GRAMD1B: variants seen among roughly 807,000 people sequenced by gnomAD.
GRAMD1B encodes GRAM domain containing 1B.
A neutral mutation model predicts 99.7 loss-of-function variants in GRAMD1B; 37 were observed. The observed-to-expected ratio is 0.37, with a 90% confidence interval of 0.29 to 0.49. The LOEUF is 0.49. GRAMD1B is among the 20% of genes least tolerant of loss of function. The pLI, the probability that GRAMD1B is intolerant of heterozygous loss-of-function variation, is 0.98. For missense variants in GRAMD1B, 888 were observed against 1,009.2 expected (o/e 0.88, Z 1.63); for synonymous variants, 427 against 387.6 (o/e 1.10, Z -1.19).
At chr11:123,450,510 C>G (rs1591563779) in intron 1 of GRAMD1B, among the ~76,000 whole-genome samples, 1 of 152,128 alleles carries the variant, frequency 6.6e-6, no homozygotes, top group East Asian at 1.9e-4. Context: ...AGACTGTCAG[C>G]AAATTATCAG....
intron 2 of GRAMD1B, among the ~76,000 whole-genome samples, chr11:123,576,239 G>T (rs1013297749): frequency 2.6e-5 from 4 of 152,312 alleles, no homozygotes; most frequent in East Asian, 3.9e-4. Context: ...CCCACTCCCC[G>T]AGGGAAGGCT....
At chr11:123,519,268 T>C (rs562512053) in intron 2 of GRAMD1B, among the ~76,000 whole-genome samples, 5 of 152,188 alleles carry the variant, frequency 3.3e-5, no homozygotes, top group East Asian at 1.9e-4. Context: ...CAGTGACTAA[T>C]AGTGGCAGAG....
chr11:123,508,101 A>G (rs1940617308), intron 2 of GRAMD1B, among the ~76,000 whole-genome samples: 1 of 152,170 alleles, frequency 6.6e-6, no homozygotes, highest in African/African-American at 2.4e-5. Flanking sequence ...CGATCTTAGT[A>G]TATTTTCTGC....
chr11:123,616,316 C>T (rs544452531), intron 17 of GRAMD1B, among the ~76,000 whole-genome samples: 10 of 152,170 alleles, frequency 6.6e-5, no homozygotes, highest in South Asian at 4.2e-4. Flanking sequence ...AGTGAGACTC[C>T]ATCTCAATAA....
intron 2 of GRAMD1B, among the ~76,000 whole-genome samples, chr11:123,570,281 T>C (rs1947914357): frequency 6.6e-6 from 1 of 152,212 alleles, no homozygotes; most frequent in African/African-American, 2.4e-5. Context: ...ATTCTGCACG[T>C]TAAGGAAGCA....
chr11:123,462,514 C>T (rs542040993), intron 1 of GRAMD1B, among the ~76,000 whole-genome samples: 14 of 152,220 alleles, frequency 9.2e-5, no homozygotes, highest in African/African-American at 3.1e-4. Flanking sequence ...AGTCCCAGCC[C>T]AAGCTCAGAG....
chr11:123,495,140 G>C (rs866248672), intron 2 of GRAMD1B, among the ~76,000 whole-genome samples: 13 of 102,676 alleles, frequency 1.3e-4, no homozygotes, highest in Middle Eastern at 6.7e-3. Context: ...CACACACACA[G>C]ACACACATAC....
chr11:123,605,391 C>A lies in GRAMD1B; in HGVS notation c.1236C>A (p.Thr412=), dbSNP rs146712187. The stretch of plus-strand genomic sequence containing the variant: ...GCTCATCCAAGAGCAGCATAGAGAC[C>A]AAGCCAGATGCCAGTCCACAGCTGC... The part of the protein sequence containing the change: ...NDSSSKSSIE[T]KPDASPQLPK... Residue 412 remains threonine, a synonymous_variant, in exon 10 of 20, where the codon ACC becomes ACA. Transcript: ENST00000635736. The A allele has an allele frequency of 6.2e-7, 1 of 1,613,126 alleles. No homozygotes were observed. The highest frequency in any genetic ancestry group is 1.1e-5 in the South Asian group (1 of 91,008).
rs1485331114 is a variant in GRAMD1B, at chr11:123,480,879, A to C, written c.438A>C (p.Arg146=). 1 of 396,722 alleles carries C rather than the reference A, an allele frequency of 2.5e-6. No individual in the cohort carries two copies. The highest frequency in any genetic ancestry group is 4.5e-5 in the Admixed American group (1 of 22,470). 24.6% of individuals were successfully genotyped at this position (396,722 alleles called of 1,614,324 possible). The change falls in exon 2 of 20, where the codon CGA becomes CGC. Residue 146 remains arginine, a synonymous_variant. Coordinates refer to ENST00000635736, the MANE Select transcript of GRAMD1B (RefSeq NM_001387025.1). The part of the protein sequence containing the change: ...DDDSSRFLSP[R]AREESTASNS... ...ATTCTAGCAGGTTCCTGAGTCCTCG[A>C]GCGCGGGAAGAAAGGTAAGGTCCAA...
chr11:123,407,086 A>T (rs1947880171), intron 1 of GRAMD1B, among the ~76,000 whole-genome samples: 1 of 152,212 alleles, frequency 6.6e-6, no homozygotes, highest in Non-Finnish European at 1.5e-5. Flanking sequence ...TTGTTTTTTC[A>T]ATAATTGCTT....
chr11:123,417,664 C>A (rs1015170655), intron 1 of GRAMD1B, among the ~76,000 whole-genome samples: 1 of 152,126 alleles, frequency 6.6e-6, no homozygotes, highest in Non-Finnish European at 1.5e-5. Flanking sequence ...AGGCTGGGCG[C>A]AATGGCCCAT....
intron 3 of GRAMD1B, among the ~76,000 whole-genome samples, chr11:123,582,764 C>T (rs12272565): frequency 0.011 from 1,707 of 152,330 alleles, 27 homozygotes; most frequent in African/African-American, 0.04. Context: ...GGCACACACC[C>T]ACCCTTGTGC....
chr11:123,391,413 A>G (rs1947273924), intron 1 of GRAMD1B, among the ~76,000 whole-genome samples: 1 of 152,098 alleles, frequency 6.6e-6, no homozygotes, highest in South Asian at 2.1e-4. Flanking sequence ...CTCTGCCGAG[A>G]TCACTAAAGT....
intron 9 of GRAMD1B, among the ~76,000 whole-genome samples, chr11:123,604,516 G>C (rs551013735): frequency 3.3e-5 from 5 of 152,292 alleles, no homozygotes; most frequent in African/African-American, 9.6e-5. Flanking sequence ...AGGGTGGAAG[G>C]GTAGCTAGCT....
At chr11:123,525,088 A>C (rs910275061) in intron 2 of GRAMD1B, among the ~76,000 whole-genome samples, 3 of 152,112 alleles carry the variant, frequency 2.0e-5, no homozygotes, top group Non-Finnish European at 2.9e-5. Flanking sequence ...AGGATTGGTG[A>C]TCATGTTGCC....
At position 123,492,322 on chromosome 11, in the gene GRAMD1B, C is replaced by A. The variant is rs114916991; in HGVS notation, c.452+11429C>A. On this transcript the variant is annotated intron_variant, in intron 2 of 19. Coordinates refer to ENST00000635736, the MANE Select transcript of GRAMD1B (RefSeq NM_001387025.1). This position sits in a 1 kb window ranked among gnomAD's most constrained non-coding sequence, Gnocchi z 4.2. The stretch of plus-strand genomic sequence containing the variant: ...AGCATCCCCTGGACAGGGGCGCTGG[C>A]GTCTCTGGGGTGTGGATCATTCTCT... Among the ~76,000 whole-genome samples the A allele has an allele frequency of 6.6e-6, 1 of 152,086 alleles. No homozygotes were observed. Among genetic ancestry groups the A allele is most frequent in the African/African-American group, 2.4e-5 (1 of 41,404 alleles).
intron 1 of GRAMD1B, among the ~76,000 whole-genome samples, chr11:123,419,555 C>T (rs550252172): frequency 6.6e-6 from 1 of 152,208 alleles, no homozygotes; most frequent in East Asian, 1.9e-4. Context: ...TGCCTGAGGC[C>T]AGGAGTTCGA....
intron 1 of GRAMD1B, among the ~76,000 whole-genome samples, chr11:123,412,816 T>C (rs1221211255): frequency 6.6e-6 from 1 of 152,108 alleles, no homozygotes; most frequent in African/African-American, 2.4e-5. Flanking sequence ...AGTTTTGCTC[T>C]TGTGGCCCAG....
At chr11:123,490,230 G>A (rs113774951) in intron 2 of GRAMD1B, among the ~76,000 whole-genome samples, 1 of 152,300 alleles carries the variant, frequency 6.6e-6, no homozygotes, top group African/African-American at 2.4e-5. Context: ...CGGCCAGAGG[G>A]GTTGGGGCCA....
Sources: allele counts gnomAD v4.1 joint callset (sites outside exome capture counted in the v4.1 genomes callset), GRCh38; gene constraint gnomAD v4.1.1; non-coding constraint Gnocchi (gnomAD v3.1); transcripts MANE v1.5; gene names NCBI Gene and HGNC (gene_info 2026-07-23, HGNC 2026-07-21).